The following CEP295 variants were observed in gnomAD, a reference collection of about 807,000 sequenced individuals.
The protein encoded by CEP295 is centrosomal protein 295.
In CEP295, 190 loss-of-function variants were observed where a neutral mutation model predicts 291.6. That is an observed-to-expected ratio of 0.65 (90% CI 0.58 to 0.73). CEP295 has a LOEUF of 0.73. Among genes scored for constraint, CEP295 ranks in the 30% least tolerant of loss-of-function variants. The pLI is 0.00. For missense variants in CEP295, 2,863 were observed against 2,949.4 expected, an observed-to-expected ratio of 0.97 and a Z score of 0.68; for synonymous variants, 993 against 1,038.8, an observed-to-expected ratio of 0.96 and a Z score of 0.85.
intron 7 of CEP295, among the ~76,000 whole-genome samples, chr11:93,682,448 T>A (rs540873255): frequency 3.9e-5 from 6 of 152,276 alleles, no homozygotes; most frequent in Non-Finnish European, 8.8e-5. Flanking sequence ...GGCCTCGAAC[T>A]CCTGACCTCA....
rs760040515 is a variant in CEP295, at chr11:93,698,627, T to G, written c.3715T>G (p.Cys1239Gly). The G allele has an allele frequency of 3.2e-6, 5 of 1,551,288 alleles. No homozygotes were observed. Among genetic ancestry groups the G allele is most frequent in the African/African-American group, 1.4e-5 (1 of 73,064 alleles). The change falls in exon 15 of 30, where the codon TGT becomes GGT. Residue 1239 changes from cysteine to glycine, a missense_variant. Transcript: ENST00000325212. ...IPLSHPKIPR[C>G]QERLLRVSQH... ...CTTAAGCCATCCTAAGATCCCAAGATGTCAGGAAAGACTTTTGAGAGTTTC... is the reference window on the plus strand; with the variant it reads ...CTTAAGCCATCCTAAGATCCCAAGAGGTCAGGAAAGACTTTTGAGAGTTTC...
At position 93,702,505 on chromosome 11, in the gene CEP295, G is replaced by A; in HGVS notation, c.5320G>A (p.Gly1774Arg). 1 of 1,546,378 alleles carries A rather than the reference G, an allele frequency of 6.5e-7. No homozygotes were observed. The highest frequency in any genetic ancestry group is 8.7e-7 in the Non-Finnish European group (1 of 1,145,610). ...VENDLKTQKM[G>R]QLRDWFPNTQ... Reference sequence around the variant, plus strand: ...AAATGATTTAAAAACCCAGAAGATGGGGCAGCTCAGAGACTGGTTTCCTAA... The same window carrying A: ...AAATGATTTAAAAACCCAGAAGATGAGGCAGCTCAGAGACTGGTTTCCTAA... The change falls in exon 16 of 30, where the codon GGG becomes AGG. Residue 1774 changes from glycine (G) to arginine (R), a missense_variant. This residue lies in a region of CEP295 where 2,295 missense variants were observed against 2,335.7 expected (regional missense o/e 0.98). Transcript: ENST00000325212.
Position 93,669,260 on chromosome 11 carries a change from G to A in CEP295, c.434+328G>A, listed in dbSNP as rs115230532. ...ATGAAATAAAAATTGATGTGATTAA[G>A]AACATTAAAAGAGGTTGTAGACTCT... On this transcript the variant is annotated intron_variant, in intron 4 of 29. Coordinates refer to ENST00000325212, the MANE Select transcript of CEP295 (RefSeq NM_033395.2). Among the ~76,000 whole-genome samples the A allele has an allele frequency of 8.7e-3, 1,326 of 152,106 alleles. 23 individuals are homozygous for A. Among genetic ancestry groups the A allele is most frequent in the African/African-American group, 0.031 (1,269 of 41,530 alleles).
chr11:93,682,883 T>C (rs1352737418), intron 7 of CEP295, among the ~76,000 whole-genome samples: 2 of 152,232 alleles, frequency 1.3e-5, no homozygotes, highest in Non-Finnish European at 2.9e-5. Context: ...TCATTCTCTT[T>C]CAGCCACTTT....
chr11:93,721,210 T>C (rs1953689500), intron 18 of CEP295, 102 bp from the exon 19 acceptor site: 2 of 675,298 alleles, frequency 3.0e-6, no homozygotes, highest in Non-Finnish European at 5.2e-6. Flanking sequence ...GAAAGTAGAT[T>C]GTAGGAAAGC....
rs1302802020 is a variant in CEP295 at position 93,724,311 on chromosome 11, A to T, written c.6254A>T (p.His2085Leu). The change falls in exon 22 of 30, where the codon CAT becomes CTT. Residue 2085 changes from histidine (H) to leucine (L), a missense_variant. Coordinates refer to ENST00000325212, the MANE Select transcript of CEP295 (RefSeq NM_033395.2). Reference sequence around the variant, plus strand: ...CAGCTGTTTAAACCCTTAGAACCACATCCAGATTTTGACTTATCATCATCA... The same window carrying T: ...CAGCTGTTTAAACCCTTAGAACCACTTCCAGATTTTGACTTATCATCATCA... Reference protein sequence around the residue: ...HHQLFKPLEPHPDFDLSSSSS... With the variant: ...HHQLFKPLEPLPDFDLSSSSS... 2 of 1,550,438 alleles carry T rather than the reference A, an allele frequency of 1.3e-6. No homozygotes were observed. Among genetic ancestry groups the T allele is most frequent in the Non-Finnish European group, 1.7e-6 (2 of 1,145,858 alleles).
At chr11:93,690,384 G>A (rs1390238834) in intron 10 of CEP295, among the ~76,000 whole-genome samples, 1 of 152,116 alleles carries the variant, frequency 6.6e-6, no homozygotes, top group African/African-American at 2.4e-5. Flanking sequence ...GTGAAACCCT[G>A]TCTCTACTAA....
intron 1 of CEP295, among the ~76,000 whole-genome samples, chr11:93,664,226 T>A (rs1393224312): frequency 6.6e-6 from 1 of 152,188 alleles, no homozygotes; most frequent in East Asian, 1.9e-4. Context: ...TTTTTCTTCT[T>A]TGTTAAATTT....
chr11:93,669,728 C>T lies in CEP295; in HGVS notation c.486C>T (p.Ala162=), dbSNP rs1565429352. Residue 162 remains alanine, a synonymous_variant, in exon 5 of 30, where the codon GCC becomes GCT. Transcript: ENST00000325212. ...EALLVEKERS[A]KITSLPPPPP... is the part of the protein sequence containing the mutation. ...TGCTTGTGGAAAAAGAGAGATCAGC[C>T]AAAATTACAAGTCTGCCACCTCCTC... 6.4e-7 allele frequency: 1 copy of T among 1,550,578 alleles called. No homozygotes were observed. The highest frequency in any genetic ancestry group is 1.4e-5 in the African/African-American group (1 of 73,100).
chr11:93,695,991 G>A lies in CEP295; in HGVS notation c.1672-329G>A, dbSNP rs1012554725. Among the ~76,000 whole-genome samples the A allele has an allele frequency of 2.6e-5, 4 of 152,026 alleles. No homozygotes were observed. The South Asian group carries it at 6.2e-4, about 24-fold the overall frequency. ...TCTCAAAAAAATAATAATAATAAAA[G>A]TAAAATGCCTTTGTAATTCTTATTT... On this transcript the variant is annotated intron_variant, in intron 13 of 29. Transcript: ENST00000325212.
At chr11:93,671,530 A>C (rs1484353241) in intron 5 of CEP295, among the ~76,000 whole-genome samples, 3 of 152,206 alleles carry the variant, frequency 2.0e-5, no homozygotes, top group Non-Finnish European at 4.4e-5. Flanking sequence ...GTATCTCCAA[A>C]GACCCCTGAT....
intron 1 of CEP295, among the ~76,000 whole-genome samples, chr11:93,662,147 C>T (rs973558461): frequency 6.6e-6 from 1 of 152,190 alleles, no homozygotes; most frequent in African/African-American, 2.4e-5. Context: ...AAGAGCCTTG[C>T]CTGGATCGTT....
At chr11:93,724,496 G>A in intron 22 of CEP295, 121 bp downstream of exon 22, 3 of 988,710 alleles carry the variant, frequency 3.0e-6, no homozygotes, top group South Asian at 2.9e-5. Flanking sequence ...TCTGGGCACA[G>A]TGGCTCACAC....
At chr11:93,728,635 T>C (rs201420482) in intron 24 of CEP295, 46 bp from the exon 25 acceptor site, 53 of 1,485,674 alleles carry the variant, frequency 3.6e-5, no homozygotes, top group Non-Finnish European at 4.5e-5. Flanking sequence ...GTTTAAGTCT[T>C]TTAAGGCTAT....
rs149562955 is a variant in CEP295, at chr11:93,680,066, C to T, written c.765+514C>T. Among the ~76,000 whole-genome samples the T allele has an allele frequency of 1.0e-3, 158 of 152,142 alleles. 1 individual carries two copies. Among genetic ancestry groups the T allele is most frequent in the African/African-American group, 3.4e-3 (142 of 41,506 alleles). The stretch of plus-strand genomic sequence containing the variant: ...CCAAGGCGAGCAGATCGCATAGGCC[C>T]GGGAGTTTAAGACCAGCTTGGAAAA... On this transcript the variant is annotated intron_variant, in intron 7 of 29. Transcript: ENST00000325212.
At chr11:93,669,146 G>A (rs945568706) in intron 4 of CEP295, among the ~76,000 whole-genome samples, 2 of 152,114 alleles carry the variant, frequency 1.3e-5, no homozygotes, top group Non-Finnish European at 2.9e-5. Flanking sequence ...TGTAGTTTGA[G>A]TTGAGTTTAG....
chr11:93,711,303 C>T (rs1276572949), intron 18 of CEP295, among the ~76,000 whole-genome samples: 1 of 151,998 alleles, frequency 6.6e-6, no homozygotes, highest in Non-Finnish European at 1.5e-5. Flanking sequence ...TATGTTGTGT[C>T]TCCATTATTT....
At chr11:93,672,125 A>G (rs140273112) in intron 5 of CEP295, among the ~76,000 whole-genome samples, 1 of 152,354 alleles carries the variant, frequency 6.6e-6, no homozygotes, top group East Asian at 1.9e-4. Flanking sequence ...GTCCTTTAAT[A>G]GGTAAGTGCG....
intron 7 of CEP295, among the ~76,000 whole-genome samples, chr11:93,681,709 C>T (rs1410456647): frequency 1.3e-5 from 2 of 151,778 alleles, no homozygotes; most frequent in Admixed American, 1.3e-4. Context: ...CCACCATGCC[C>T]AGCCCAAGTT....
Sources: gnomAD v4.1 joint callset for allele counts (sites outside exome capture counted in the v4.1 genomes callset) on GRCh38, gnomAD v4.1.1 for gene constraint, gnomAD v4.1.1 regional missense constraint, MANE v1.5 for transcripts, NCBI Gene and HGNC (gene_info 2026-07-23, HGNC 2026-07-21) for gene names.